UGT1A9: variants seen among roughly 807,000 people sequenced by gnomAD.
UGT1A9 encodes UDP glucuronosyltransferase family 1 member A9, also known as UDP-glucuronosyltransferase 1A9.
Under a neutral mutation model 45.0 loss-of-function variants are expected in UGT1A9, and 35 were observed. The observed-to-expected ratio is 0.78, with a 90% confidence interval of 0.59 to 1.03. UGT1A9 has a LOEUF of 1.03. UGT1A9 is among the 50% of genes least tolerant of loss of function. The pLI is 0.00. For missense variants in UGT1A9, 687 were observed against 666.6 expected (o/e 1.03, Z -0.34); for synonymous variants, 278 against 250.6 (o/e 1.11, Z -1.03).
At chr2:233,707,758 G>A (rs2075985485) in intron 1 of UGT1A9, among the ~76,000 whole-genome samples, 1 of 152,172 alleles carries the variant, frequency 6.6e-6, no homozygotes, top group African/African-American at 2.4e-5. Flanking sequence ...TGAAACACAT[G>A]TGAGTGGGTT....
intron 1 of UGT1A9, among the ~76,000 whole-genome samples, chr2:233,717,036 C>A (rs1178363504): frequency 1.3e-5 from 2 of 152,172 alleles, no homozygotes; most frequent in Non-Finnish European, 2.9e-5. Flanking sequence ...TTCCAAGATA[C>A]ATGGGCCTCC....
At chr2:233,692,578 G>C (rs12476197) in intron 1 of UGT1A9, among the ~76,000 whole-genome samples, 27,719 of 152,194 alleles carry the variant, frequency 0.18, 2,750 homozygotes, top group Non-Finnish European at 0.23. Context: ...GCTGGTGTTA[G>C]AGAATAGGTC....
chr2:233,712,007 C>A (rs561891782), intron 1 of UGT1A9, among the ~76,000 whole-genome samples: 50 of 152,312 alleles, frequency 3.3e-4, no homozygotes, highest in African/African-American at 1.1e-3. Flanking sequence ...CTGGAGGAAC[C>A]ATTCTTATCA....
rs1440398648 is a variant in UGT1A9, at chr2:233,690,488, G to A, written c.855+17699G>A. 5.4e-6 allele frequency: 7 copies of A among 1,289,470 alleles called. No homozygotes were observed. In the East Asian group the frequency reaches 1.7e-4, roughly 31 times the overall value. 79.9% of individuals were successfully genotyped at this position (1,289,470 alleles called of 1,614,324 possible). A position where few individuals can be genotyped will look rare whatever the true frequency, so the allele number is the denominator to read the frequency against. ...CCTCCATTTACTTTTTGGGAAATCT[G>A]CTCTTGCCAACAGAGATTTGTTTTA... On this transcript the variant is annotated intron_variant, in intron 1 of 4. Coordinates refer to ENST00000354728, the MANE Select transcript of UGT1A9 (RefSeq NM_021027.3).
At chr2:233,679,700 C>T (rs892784889) in intron 1 of UGT1A9, among the ~76,000 whole-genome samples, 2 of 152,128 alleles carry the variant, frequency 1.3e-5, no homozygotes, top group Non-Finnish European at 2.9e-5. Flanking sequence ...GGCTGGTTCT[C>T]CTGTTATCTG....
At chr2:233,672,980 A>G (rs570436963) in intron 1 of UGT1A9, among the ~76,000 whole-genome samples, 191 bp downstream of exon 1, 1 of 152,300 alleles carries the variant, frequency 6.6e-6, no homozygotes, top group African/African-American at 2.4e-5. Context: ...TCTTGAAGAT[A>G]TGTATTTATA....
rs377618743 is a variant in UGT1A9, at chr2:233,743,739, T to A, written c.856-23295T>A. 1.2e-4 allele frequency: 170 copies of A among 1,367,366 alleles called. 1 individual carries two copies. Among genetic ancestry groups the A allele is most frequent in the South Asian group, 2.3e-4 (20 of 88,056 alleles). 84.7% of individuals were successfully genotyped at this position (1,367,366 alleles called of 1,614,324 possible). ...TAGCGGTCATAGATATCGCGTTTCT[T>A]GGCGTCCGACAACACCTCGTAGGCC... On this transcript the variant is annotated intron_variant, in intron 1 of 4. Transcript: ENST00000354728.
At chr2:233,738,529 A>G (rs1383931470) in intron 1 of UGT1A9, among the ~76,000 whole-genome samples, 2 of 152,226 alleles carry the variant, frequency 1.3e-5, no homozygotes, top group African/African-American at 4.8e-5. Context: ...TGGACAATGA[A>G]GTCCAGGCTG....
At chr2:233,731,439 C>T (rs1335351159) in intron 1 of UGT1A9, among the ~76,000 whole-genome samples, 1 of 152,054 alleles carries the variant, frequency 6.6e-6, no homozygotes, top group Non-Finnish European at 1.5e-5. Context: ...TCCCCCAGTC[C>T]CCCACCCCAC....
At position 233,730,729 on chromosome 2, in the gene UGT1A9, C is replaced by T. The variant is rs45468195; in HGVS notation, c.856-36305C>T. ...GAATGCTGAAATTATCAAGAAATGG[C>T]GGAAGGGGCTAGGGAGGAGATAAGA... On this transcript the variant is annotated intron_variant, in intron 1 of 4. Transcript: ENST00000354728. Among the ~76,000 whole-genome samples the T allele has an allele frequency of 9.2e-3, 1,399 of 152,090 alleles. 32 individuals carry two copies. The highest frequency in any genetic ancestry group is 0.032 in the African/African-American group (1,309 of 41,466).
At chr2:233,708,938 C>T (rs1169885161) in intron 1 of UGT1A9, among the ~76,000 whole-genome samples, 1 of 152,136 alleles carries the variant, frequency 6.6e-6, no homozygotes, top group African/African-American at 2.4e-5. Context: ...AACTATGTCA[C>T]CAGAACCCAT....
chr2:233,716,723 A>T (rs2076521930), intron 1 of UGT1A9, among the ~76,000 whole-genome samples: 1 of 152,160 alleles, frequency 6.6e-6, no homozygotes, highest in African/African-American at 2.4e-5. Context: ...GTTCCAGTTT[A>T]TATGTTTAGC....
chr2:233,672,369 G>T lies in UGT1A9; in HGVS notation c.435G>T (p.Val145=), dbSNP rs928548039. ...EYLKESSFDA[V]FLDPFDNCGL... Reference sequence around the variant, plus strand: ...TAAAGGAGAGTTCTTTTGATGCAGTGTTTCTCGATCCTTTTGATAACTGTG... The same window carrying T: ...TAAAGGAGAGTTCTTTTGATGCAGTTTTTCTCGATCCTTTTGATAACTGTG... The change falls in exon 1 of 5, where the codon GTG becomes GTT. Residue 145 remains valine, a synonymous_variant. Coordinates refer to ENST00000354728, the MANE Select transcript of UGT1A9 (RefSeq NM_021027.3). 3.1e-6 allele frequency: 5 copies of T among 1,613,986 alleles called. No individual in the cohort carries two copies. In the African/African-American group the frequency reaches 6.7e-5, roughly 22 times the overall value.
At chr2:233,737,732 C>A (rs569109147) in intron 1 of UGT1A9, among the ~76,000 whole-genome samples, 1 of 151,490 alleles carries the variant, frequency 6.6e-6, no homozygotes, top group African/African-American at 2.4e-5. Flanking sequence ...TTTTTTTTTC[C>A]TTTTCTCTTC....
intron 1 of UGT1A9, among the ~76,000 whole-genome samples, chr2:233,763,075 G>A (rs563223055): frequency 3.9e-5 from 6 of 152,246 alleles, no homozygotes; most frequent in African/African-American, 1.2e-4. Flanking sequence ...CCTTCTTTGC[G>A]TGAGGATGTT....
At chr2:233,695,426 CTT>C (rs2075288031) in intron 1 of UGT1A9, among the ~76,000 whole-genome samples, 2 of 76,626 alleles carry the variant, frequency 2.6e-5, no homozygotes, top group Non-Finnish European at 6.3e-5. Context: ...GCCCGGCCTT[CTT>C]CTTCTTCTTT....
Position 233,746,118 on chromosome 2 carries a change from A to C in UGT1A9, c.856-20916A>C, listed in dbSNP as rs544937305. On this transcript the variant is annotated intron_variant, in intron 1 of 4. Transcript: ENST00000354728. ...CATGTCCAGAGTGCTTACTGTCTGC[A>C]AAACTGTGGACTGGCACCTGAGTGA... 3.3e-4 allele frequency among the ~76,000 whole-genome samples: 50 copies of C among 151,986 alleles called. 2 individuals carry two copies. Among genetic ancestry groups the C allele is most frequent in the African/African-American group, 1.1e-3 (46 of 41,248 alleles).
intron 1 of UGT1A9, chr2:233,760,113 A>G: frequency 2.4e-6 from 3 of 1,233,108 alleles, no homozygotes; most frequent in Non-Finnish European, 3.3e-6. Flanking sequence ...TAAGAAACCT[A>G]ATAAAGCTCC....
intron 1 of UGT1A9, chr2:233,718,125 G>A (rs1421445167): frequency 3.5e-6 from 1 of 286,392 alleles, no homozygotes; most frequent in Non-Finnish European, 7.0e-6. Context: ...ATTCCATGGT[G>A]TAGATGGAGA....
Sources: gnomAD v4.1 joint callset for allele counts (sites outside exome capture counted in the v4.1 genomes callset) on GRCh38, gnomAD v4.1.1 for gene constraint, MANE v1.5 for transcripts, NCBI Gene and HGNC (gene_info 2026-07-23, HGNC 2026-07-21) for gene names.